The following ACSM3 variants were observed in gnomAD, a reference collection of about 807,000 sequenced individuals.
ACSM3 encodes acyl-CoA synthetase medium chain family member 3, also known as acyl-coenzyme A synthetase ACSM3, mitochondrial.
In ACSM3, 61 loss-of-function variants were observed where a neutral mutation model predicts 74.1. That is an observed-to-expected ratio of 0.82 (90% CI 0.67 to 1.02). ACSM3 has a LOEUF of 1.02. Among genes scored for constraint, ACSM3 ranks in the 50% least tolerant of loss-of-function variants. The pLI, the probability that ACSM3 is intolerant of heterozygous loss-of-function variation, is 0.00. For synonymous variants in ACSM3, 213 were observed against 241.5 expected (o/e 0.88, Z 1.09); for missense variants, 660 against 697.0 (o/e 0.95, Z 0.60).
intron 12 of ACSM3, 120 bp from the exon 13 acceptor site, chr16:20,796,248 CTT>C: frequency 1.4e-6 from 2 of 1,455,334 alleles, no homozygotes; most frequent in East Asian, 2.4e-5. Context: ...TGGGATCAAA[CTT>C]TATTAAAACA....
intron 1 of ACSM3, chr16:20,739,005 T>C: frequency 6.2e-7 from 1 of 1,614,196 alleles, no homozygotes; most frequent in Non-Finnish European, 8.5e-7. Flanking sequence ...ACTTCTTTCT[T>C]CAAGGCAGCC....
chr16:20,695,454 T>C (rs2079684373), intron 1 of ACSM3, among the ~76,000 whole-genome samples: 1 of 152,188 alleles, frequency 6.6e-6, no homozygotes. Context: ...AAAATTTCCT[T>C]AACTTTTGGA....
intron 2 of ACSM3, among the ~76,000 whole-genome samples, chr16:20,771,195 G>A (rs1047081487): frequency 2.6e-5 from 4 of 152,028 alleles, no homozygotes; most frequent in African/African-American, 7.2e-5. Context: ...CCGAGTAGCC[G>A]GGACTACAGG....
intron 8 of ACSM3, 60 bp downstream of exon 8, chr16:20,785,167 A>G: frequency 6.3e-7 from 1 of 1,598,674 alleles, no homozygotes. Flanking sequence ...AATAAAAACC[A>G]AAGTGTCCAC....
chr16:20,776,373 A>G (rs543556197), intron 3 of ACSM3, among the ~76,000 whole-genome samples: 1 of 152,312 alleles, frequency 6.6e-6, no homozygotes, highest in South Asian at 2.1e-4. Context: ...TCCTTCCCAA[A>G]GTGAAAGGAT....
At chr16:20,754,325 G>A (rs1271905060) in intron 2 of ACSM3, among the ~76,000 whole-genome samples, 1 of 152,162 alleles carries the variant, frequency 6.6e-6, no homozygotes, top group East Asian at 1.9e-4. Flanking sequence ...AAGTTAAAGT[G>A]TGCTAACATA....
chr16:20,691,746 C>T (rs1249365506), intron 1 of ACSM3, among the ~76,000 whole-genome samples: 1 of 142,278 alleles, frequency 7.0e-6, no homozygotes, highest in Non-Finnish European at 1.5e-5. Flanking sequence ...CATAATACCT[C>T]TCCAATGTGT....
At chr16:20,758,859 C>G (rs1033274552) in intron 3 of ACSM3, among the ~76,000 whole-genome samples, 1 of 152,008 alleles carries the variant, frequency 6.6e-6, no homozygotes, top group Non-Finnish European at 1.5e-5. Context: ...CAAAGAACAT[C>G]TTTATTTCTG....
chr16:20,741,481 G>GGGGGGGGGCGCCCCCCCCCC, intron 1 of ACSM3: 1 of 1,308,414 alleles, frequency 7.6e-7, no homozygotes, highest in Non-Finnish European at 9.9e-7. Flanking sequence ...CTGGCAGCCG[G>GGGGGGGGGCGCCCCCCCCCC]CCCGCCCGCC....
At chr16:20,717,956 G>GGAAGAGGAAGAGGAAGAAGAA (rs1190590436) in intron 1 of ACSM3, among the ~76,000 whole-genome samples, 56 of 74,384 alleles carry the variant, frequency 7.5e-4, no homozygotes, top group Non-Finnish European at 1.3e-3. Context: ...AAGAGGAAGA[G>GGAAGAGGAAGAGGAAGAAGAA]GAAGAAGAAG....
chr16:20,690,320 T>G (rs1223686355), intron 1 of ACSM3, among the ~76,000 whole-genome samples: 1 of 152,238 alleles, frequency 6.6e-6, no homozygotes, highest in African/African-American at 2.4e-5. Flanking sequence ...ATTGTCTACC[T>G]GACTCCTAAT....
chr16:20,771,087 C>T (rs967181200), intron 2 of ACSM3, among the ~76,000 whole-genome samples: 2 of 152,156 alleles, frequency 1.3e-5, no homozygotes, highest in Non-Finnish European at 2.9e-5. Flanking sequence ...CCACTCCCTA[C>T]TTCTATGAGC....
At chr16:20,717,545 T>C (rs1183437808) in intron 1 of ACSM3, among the ~76,000 whole-genome samples, 1 of 152,208 alleles carries the variant, frequency 6.6e-6, no homozygotes, top group Non-Finnish European at 1.5e-5. Context: ...CTGAAGCACC[T>C]TGGTTTTCCT....
intron 1 of ACSM3, chr16:20,690,942 T>C (rs1021944184): frequency 9.7e-6 from 15 of 1,552,990 alleles, no homozygotes; most frequent in Non-Finnish European, 1.3e-5. Flanking sequence ...AGGAGCAAGA[T>C]AAGGAAAGTG....
intron 1 of ACSM3, chr16:20,691,090 T>C: frequency 2.5e-6 from 4 of 1,613,758 alleles, no homozygotes; most frequent in Non-Finnish European, 3.4e-6. Context: ...CTCCAAATTC[T>C]GATAAAGACC....
chr16:20,724,257 T>C (rs940258962), intron 1 of ACSM3, among the ~76,000 whole-genome samples: 1 of 152,184 alleles, frequency 6.6e-6, no homozygotes, highest in African/African-American at 2.4e-5. Context: ...ATCCAGCATA[T>C]AAACAGAACC....
In ACSM3 at chr16:20,796,942, A is replaced by C. The variant is rs1567368547; in HGVS notation, c.1731A>C (p.Glu577Asp). Residue 577 changes from glutamate (E) to aspartate (D), a missense_variant, in exon 14 of 14, where the codon GAA becomes GAC. Coordinates refer to ENST00000289416, the MANE Select transcript of ACSM3 (RefSeq NM_005622.4). ...TCAGTGGGAAGACAAAAAGAAATGA[A>C]CTGAGGAAGAAAGAATGGAAGACAA... is the stretch of plus-strand genomic sequence containing the variant. ...KTISGKTKRN[E>D]LRKKEWKTI The C allele has an allele frequency of 6.2e-7, 1 of 1,613,156 alleles. No individual in the cohort carries two copies. Among genetic ancestry groups the C allele is most frequent in the East Asian group, 2.2e-5 (1 of 44,742 alleles).
chr16:20,708,224 C>T (rs1480000393), intron 1 of ACSM3, among the ~76,000 whole-genome samples: 1 of 152,070 alleles, frequency 6.6e-6, no homozygotes. Flanking sequence ...TTGCTTGAAC[C>T]CAGGAGGTGG....
intron 1 of ACSM3, chr16:20,736,025 G>C (rs1461059695): frequency 6.6e-6 from 1 of 152,160 alleles, no homozygotes; most frequent in Non-Finnish European, 1.5e-5. Flanking sequence ...GTTTTTGATA[G>C]TCCAAAAGCC....
Sources: allele counts gnomAD v4.1 joint callset (sites outside exome capture counted in the v4.1 genomes callset), GRCh38; gene constraint gnomAD v4.1.1; transcripts MANE v1.5; gene names NCBI Gene and HGNC (gene_info 2026-07-23, HGNC 2026-07-21).